Variants in RNF141 observed in about 807,000 individuals in gnomAD.
The protein encoded by RNF141 is ring finger protein 141.
A neutral mutation model predicts 27.4 loss-of-function variants in RNF141; 18 were observed. That is an observed-to-expected ratio of 0.66 (90% CI 0.45 to 0.97). The LOEUF (loss-of-function observed/expected upper bound fraction) is 0.97, where lower values mean the gene tolerates loss of function less well. Among genes scored for constraint, RNF141 ranks in the 50% least tolerant of loss-of-function variants. The pLI is 0.00. For missense variants in RNF141, 230 were observed against 279.4 expected, an observed-to-expected ratio of 0.82 and a Z score of 1.26; for synonymous variants, 97 against 96.6, an observed-to-expected ratio of 1.00 and a Z score of -0.02.
At chr11:10,518,495 A>T (rs948615277) in intron 5 of RNF141, 1 of 152,262 alleles carries the variant, frequency 6.6e-6, no homozygotes, top group Non-Finnish European at 1.5e-5. Context: ...CAAAAAAAGC[A>T]CATATTATAT....
At chr11:10,521,232 A>G (rs368466513) in intron 4 of RNF141, among the ~76,000 whole-genome samples, 8 of 152,228 alleles carry the variant, frequency 5.3e-5, no homozygotes, top group African/African-American at 1.7e-4. Context: ...CTCAGCTCAA[A>G]ACATCATCAT....
chr11:10,530,680 G>T lies in RNF141; in HGVS notation c.215C>A (p.Ala72Asp), dbSNP rs758345406. Residue 72 changes from alanine to aspartate, a missense_variant, in exon 3 of 6, where the codon GCT becomes GAT. By Grantham distance (126) the Ala-to-Asp change is moderately radical. Transcript: ENST00000265981. ...FEVQPGSDSS[A>D]FWKVVVRVVC... ...CACCCGTACAACCACTTTCCAAAAA[G>T]CAGAGGAATCAGACCCAGGTTGTAC... 2 of 1,611,576 alleles carry T rather than the reference G, an allele frequency of 1.2e-6. No individual in the cohort carries two copies. The highest frequency in any genetic ancestry group is 1.7e-6 in the Non-Finnish European group (2 of 1,178,436).
intron 3 of RNF141, among the ~76,000 whole-genome samples, chr11:10,529,705 G>T (rs1849969369): frequency 1.3e-5 from 2 of 152,192 alleles, no homozygotes; most frequent in African/African-American, 4.8e-5. Flanking sequence ...GAAGTATAGA[G>T]ATTAATACAA....
At position 10,514,694 on chromosome 11, in the gene RNF141, TA is replaced by T. The variant is rs374751303; in HGVS notation, c.*221del. 1.8e-3 allele frequency: 769 copies of T among 423,676 alleles called. 5 individuals are homozygous for T. Among genetic ancestry groups the T allele is most frequent in the African/African-American group, 0.014 (701 of 48,776 alleles). The allele number at this position is 423,676 out of a possible 1,614,324, so 26.2% of individuals were successfully genotyped here. A position where few individuals can be genotyped will look rare whatever the true frequency, so the allele number is the denominator to read the frequency against. ...AATAATACAAATTTGAACAGATAAA[TA>T]ATAGGAAAATATGGTCTAAAACAGT... On this transcript the variant is annotated 3_prime_UTR_variant, in exon 6 of 6. Transcript: ENST00000265981.
At chr11:10,540,252 T>A (rs546883785) in intron 1 of RNF141, among the ~76,000 whole-genome samples, 16 of 152,194 alleles carry the variant, frequency 1.1e-4, no homozygotes, top group Admixed American at 2.6e-4. Flanking sequence ...TTATAAACAA[T>A]TGAAAGTGTT....
At chr11:10,537,723 A>C (rs1339814642) in intron 1 of RNF141, among the ~76,000 whole-genome samples, 5 of 152,362 alleles carry the variant, frequency 3.3e-5, no homozygotes, top group African/African-American at 1.2e-4. Context: ...AAGGAGAAGT[A>C]AACTGTGAAA....
chr11:10,525,841 ATTAC>A (rs982316314), intron 3 of RNF141, among the ~76,000 whole-genome samples: 28 of 152,330 alleles, frequency 1.8e-4, no homozygotes, highest in African/African-American at 6.3e-4. Flanking sequence ...AAGCAAGAAA[ATTAC>A]TTTAAAATAA....
Position 10,514,880 on chromosome 11 carries a change from A to G in RNF141, c.*36T>C, listed in dbSNP as rs1849831232. 6.4e-7 allele frequency: 1 copy of G among 1,570,464 alleles called. No homozygotes were observed. The highest frequency in any genetic ancestry group is 8.6e-7 in the Non-Finnish European group (1 of 1,157,692). On this transcript the variant is annotated 3_prime_UTR_variant, in exon 6 of 6. Coordinates refer to ENST00000265981, the MANE Select transcript of RNF141 (RefSeq NM_016422.4). ...TTCTTCCCCCATGACCAAATATTTGAGCCCACAATAGCAACAGAAGACTTT... is the reference window on the plus strand; with the variant it reads ...TTCTTCCCCCATGACCAAATATTTGGGCCCACAATAGCAACAGAAGACTTT...
At chr11:10,540,376 A>G (rs1390365956) in intron 1 of RNF141, among the ~76,000 whole-genome samples, 1 of 152,252 alleles carries the variant, frequency 6.6e-6, no homozygotes, top group Non-Finnish European at 1.5e-5. Flanking sequence ...ATAGGGATCG[A>G]TTTCAATAAC....
chr11:10,539,813 A>T (rs1477705088), intron 1 of RNF141, among the ~76,000 whole-genome samples: 1 of 150,374 alleles, frequency 6.7e-6, no homozygotes, highest in East Asian at 1.9e-4. Flanking sequence ...ATATTGGAAA[A>T]AGCATATTAG....
At chr11:10,532,165 A>C in intron 2 of RNF141, 1 of 231,126 alleles carries the variant, frequency 4.3e-6, no homozygotes, top group Non-Finnish European at 8.8e-6. Flanking sequence ...AAATTCCAAG[A>C]CTCTAAAGGA....
At chr11:10,535,413 T>C (rs1850025606) in intron 1 of RNF141, among the ~76,000 whole-genome samples, 1 of 139,056 alleles carries the variant, frequency 7.2e-6, no homozygotes, top group African/African-American at 2.7e-5. Context: ...TAATAATAAA[T>C]ATCACATTAT....
At chr11:10,526,985 T>G (rs531782275) in intron 3 of RNF141, among the ~76,000 whole-genome samples, 1 of 152,182 alleles carries the variant, frequency 6.6e-6, no homozygotes, top group Non-Finnish European at 1.5e-5. Flanking sequence ...GCTTACAAAA[T>G]AGATCTTCAG....
At chr11:10,524,259 C>G (rs1411943154) in intron 4 of RNF141, among the ~76,000 whole-genome samples, 1 of 152,044 alleles carries the variant, frequency 6.6e-6, no homozygotes, top group East Asian at 1.9e-4. Flanking sequence ...ACTAAAAATA[C>G]AAAAAATTAG....
intron 2 of RNF141, among the ~76,000 whole-genome samples, chr11:10,532,540 C>A (rs1354288606): frequency 8.7e-4 from 106 of 122,392 alleles, no homozygotes; most frequent in Admixed American, 6.2e-3. Flanking sequence ...CACACACACC[C>A]CACAACTATA....
chr11:10,519,217 C>T, intron 4 of RNF141, 76 bp from the exon 5 acceptor site: 1 of 1,245,126 alleles, frequency 8.0e-7, no homozygotes, highest in Non-Finnish European at 1.1e-6. Context: ...CTTTAAAAAG[C>T]ATTATTAAAC....
At position 10,525,081 on chromosome 11, in the gene RNF141, G is replaced by GAAAAA. The variant is rs55738534; in HGVS notation, c.434+106_434+110dup. ...TGATCTCAGATACAATACCAACTGA[G>GAAAAA]AAAAAAAAAAGATTTAAGATGCTAC... On this transcript the variant is annotated intron_variant, in intron 4 of 5. Transcript: ENST00000265981. The GAAAAA allele has an allele frequency of 7.3e-4, 383 of 522,440 alleles. 1 individual carries two copies. The African/African-American group carries it at 7.4e-3, about 10-fold the overall frequency. 32.4% of individuals were successfully genotyped at this position (522,440 alleles called of 1,614,324 possible). A position where few individuals can be genotyped will look rare whatever the true frequency, so the allele number is the denominator to read the frequency against.
intron 1 of RNF141, among the ~76,000 whole-genome samples, chr11:10,535,593 C>T (rs1850027570): frequency 6.6e-6 from 1 of 151,998 alleles, no homozygotes; most frequent in Non-Finnish European, 1.5e-5. Context: ...CAGTCAACAA[C>T]AGTGATTGCT....
Position 10,533,124 on chromosome 11 carries a change from A to G in RNF141, c.143+892T>C, listed in dbSNP as rs138511396. 3.9e-4 allele frequency among the ~76,000 whole-genome samples: 59 copies of G among 152,306 alleles called. No individual in the cohort carries two copies. The Middle Eastern group carries it at 0.01, about 26-fold the overall frequency. ...TCCCAGGGGTTAGAAGATATACATA[A>G]ATAAAGGTAGATGTGGATGTTGCTA... On this transcript the variant is annotated intron_variant, in intron 2 of 5. Coordinates refer to ENST00000265981, the MANE Select transcript of RNF141 (RefSeq NM_016422.4).
Sources: allele counts gnomAD v4.1 joint callset (sites outside exome capture counted in the v4.1 genomes callset), GRCh38; gene constraint gnomAD v4.1.1; transcripts MANE v1.5; gene names NCBI Gene and HGNC (gene_info 2026-07-23, HGNC 2026-07-21).